The following TRPC4AP variants were observed in gnomAD, a reference collection of about 807,000 sequenced individuals.
TRPC4AP encodes transient receptor potential cation channel subfamily C member 4 associated protein.
Under a neutral mutation model 99.0 loss-of-function variants are expected in TRPC4AP, and 45 were observed. The observed-to-expected ratio is 0.45, with a 90% CI of 0.36 to 0.58. The LOEUF (loss-of-function observed/expected upper bound fraction) is 0.58, where lower values mean the gene tolerates loss of function less well. Among genes scored for constraint, TRPC4AP ranks in the 20% least tolerant of loss-of-function variants. The pLI is 0.00. For synonymous variants in TRPC4AP, 408 were observed against 385.8 expected (o/e 1.06, Z -0.67); for missense variants, 879 against 985.3 (o/e 0.89, Z 1.44).
chr20:35,054,014 T>C (rs574908746), intron 5 of TRPC4AP, among the ~76,000 whole-genome samples: 223 of 152,308 alleles, frequency 1.5e-3, no homozygotes, highest in Middle Eastern at 0.014. Flanking sequence ...ATACAGATGA[T>C]TTTATGGTCT....
chr20:35,069,041 G>A (rs2084232363), intron 3 of TRPC4AP, among the ~76,000 whole-genome samples: 1 of 150,954 alleles, frequency 6.6e-6, no homozygotes, highest in African/African-American at 2.5e-5. Flanking sequence ...TGGTTCTGAG[G>A]AGGGGACACT....
intron 4 of TRPC4AP, among the ~76,000 whole-genome samples, chr20:35,056,336 G>GA (rs1188230364): frequency 6.6e-6 from 1 of 152,054 alleles, no homozygotes; most frequent in African/African-American, 2.4e-5. Flanking sequence ...AGTGGTGAGG[G>GA]AAAAAAAGTC....
At chr20:35,086,550 T>TATGG (rs2084883020) in intron 1 of TRPC4AP, among the ~76,000 whole-genome samples, 2 of 142,100 alleles carry the variant, frequency 1.4e-5, no homozygotes, top group African/African-American at 2.6e-5. Context: ...TGTGTGTGTG[T>TATGG]GTGTGTGTGT....
At chr20:35,021,779 C>A (rs2147298091) in intron 8 of TRPC4AP, among the ~76,000 whole-genome samples, 1 of 152,326 alleles carries the variant, frequency 6.6e-6, no homozygotes, top group Admixed American at 6.5e-5. Context: ...ATGAGGGACA[C>A]TGCTGAAGCC....
chr20:35,051,301 CTTTCT>C (rs1214177799), intron 5 of TRPC4AP, among the ~76,000 whole-genome samples: 1 of 152,086 alleles, frequency 6.6e-6, no homozygotes, highest in East Asian at 1.9e-4. Flanking sequence ...ATTTAATTTT[CTTTCT>C]TTTAATTTTA....
chr20:35,055,140 T>G (rs2083795577), intron 4 of TRPC4AP, 109 bp from the exon 5 acceptor site: 1 of 952,448 alleles, frequency 1.0e-6, no homozygotes, highest in African/African-American at 1.7e-5. Context: ...CCAAGATGAT[T>G]ATTTTTCCTT....
At chr20:35,065,703 G>T (rs2084125621) in intron 3 of TRPC4AP, among the ~76,000 whole-genome samples, 1 of 152,096 alleles carries the variant, frequency 6.6e-6, no homozygotes, top group Non-Finnish European at 1.5e-5. Flanking sequence ...CTAACTCAAA[G>T]CAGGAAAGAA....
intron 3 of TRPC4AP, 121 bp downstream of exon 3, chr20:35,069,175 T>G (rs1165341102): frequency 1.5e-6 from 1 of 655,646 alleles, no homozygotes; most frequent in East Asian, 2.6e-5. Flanking sequence ...GCTAAGCTTC[T>G]AAAAGTTAAA....
At position 35,059,142 on chromosome 20, in the gene TRPC4AP, T is replaced by C. The variant is rs2083914475; in HGVS notation, c.415-1571A>G. On this transcript the variant is annotated intron_variant, in intron 3 of 18. Coordinates refer to ENST00000252015, the MANE Select transcript of TRPC4AP (RefSeq NM_015638.3). The stretch of plus-strand genomic sequence containing the variant: ...ACAGAAAATGAACAAAACCAAAAGC[T>C]GGCTCTTTGAAGACTGGCAAATTCT... Among the ~76,000 whole-genome samples the C allele has an allele frequency of 2.0e-5, 3 of 152,058 alleles. No homozygotes were observed. In the South Asian group the frequency reaches 6.2e-4, roughly 31 times the overall value.
intron 9 of TRPC4AP, among the ~76,000 whole-genome samples, chr20:35,020,592 C>T (rs149543957): frequency 7.5e-4 from 114 of 152,286 alleles, no homozygotes; most frequent in African/African-American, 2.6e-3. Flanking sequence ...GACTGCTGAG[C>T]CTCCAGCCTC....
chr20:35,035,456 G>T, intron 7 of TRPC4AP, 148 bp from the exon 8 acceptor site: 1 of 897,306 alleles, frequency 1.1e-6, no homozygotes. Context: ...GTCAAACCAA[G>T]GTAAATAGTA....
chr20:35,090,157 G>A (rs2085012025), intron 1 of TRPC4AP, among the ~76,000 whole-genome samples: 1 of 144,296 alleles, frequency 6.9e-6, no homozygotes, highest in Non-Finnish European at 1.5e-5. Flanking sequence ...GAGAGGAGCG[G>A]AAGGGCACAG....
intron 6 of TRPC4AP, among the ~76,000 whole-genome samples, chr20:35,049,013 A>T (rs1381546910): frequency 1.3e-5 from 2 of 152,166 alleles, no homozygotes; most frequent in African/African-American, 2.4e-5. Flanking sequence ...GCACATGAAC[A>T]TCCACCTCCC....
chr20:35,027,589 T>G (rs1258188374), intron 8 of TRPC4AP, among the ~76,000 whole-genome samples: 1 of 152,196 alleles, frequency 6.6e-6, no homozygotes, highest in African/African-American at 2.4e-5. Context: ...GTCTGGAAAG[T>G]ATTGGTGTGA....
chr20:35,084,638 ATGTATGTATGTTTATATG>A (rs2084771168), intron 1 of TRPC4AP, among the ~76,000 whole-genome samples: 2 of 114,444 alleles, frequency 1.7e-5, no homozygotes, highest in Admixed American at 9.6e-5. Flanking sequence ...ATATGTGTAT[ATGTATGTATGTTTATATG>A]CATATATGTG....
rs111562961 is a variant in TRPC4AP at position 35,029,133 on chromosome 20, C to G, written c.1051+5990G>C. On this transcript the variant is annotated intron_variant, in intron 8 of 18. Transcript: ENST00000252015. ...TGGGCGTGGGCTCCCCGCCTGTAAT[C>G]CCAACTACTTGGGAGGCTGAGGCAT... Among the ~76,000 whole-genome samples, 1,505 of 152,260 alleles carry G rather than the reference C, an allele frequency of 9.9e-3. 17 individuals carry two copies. Among genetic ancestry groups the G allele is most frequent in the African/African-American group, 0.033 (1,386 of 41,556 alleles).
rs148325238 is a variant in TRPC4AP at position 35,009,225 on chromosome 20, T to C, written c.1512-478A>G. Among the ~76,000 whole-genome samples, 1,107 of 152,170 alleles carry C rather than the reference T, an allele frequency of 7.3e-3. 12 individuals carry two copies. The highest frequency in any genetic ancestry group is 0.024 in the African/African-American group (979 of 41,514). On this transcript the variant is annotated intron_variant, in intron 12 of 18. Transcript: ENST00000252015. ...TGAGGAAATGACTCTGGCCCCGTCA[T>C]GGGGGAAGGAAGACGGCCAGGCACG... is the stretch of plus-strand genomic sequence containing the variant.
chr20:35,054,526 GCTTT>G (rs1471261140), intron 5 of TRPC4AP, among the ~76,000 whole-genome samples: 1 of 152,118 alleles, frequency 6.6e-6, no homozygotes, highest in Non-Finnish European at 1.5e-5. Flanking sequence ...CTACCAGATT[GCTTT>G]CTTTATTCAC....
At chr20:35,062,610 T>G (rs895414510) in intron 3 of TRPC4AP, among the ~76,000 whole-genome samples, 1 of 152,234 alleles carries the variant, frequency 6.6e-6, no homozygotes, top group Non-Finnish European at 1.5e-5. Flanking sequence ...ACTCCATTTA[T>G]GTGAAATGTC....
Sources: gnomAD v4.1 joint callset for allele counts (sites outside exome capture counted in the v4.1 genomes callset) on GRCh38, gnomAD v4.1.1 for gene constraint, MANE v1.5 for transcripts, NCBI Gene and HGNC (gene_info 2026-07-23, HGNC 2026-07-21) for gene names.